TMC7: variants seen among roughly 807,000 people sequenced by gnomAD.
The protein encoded by TMC7 is transmembrane channel like 7.
A neutral mutation model predicts 82.9 loss-of-function variants in TMC7; 54 were observed. The ratio of observed to expected loss-of-function variants is 0.65; its 90% confidence interval spans 0.52 to 0.82. The LOEUF is 0.82. Ranked by LOEUF, TMC7 falls within the 40% of genes least tolerant of loss-of-function variation. The pLI is 0.00. For synonymous variants in TMC7, 350 were observed against 337.9 expected, an observed-to-expected ratio of 1.04 and a Z score of -0.39; for missense variants, 820 against 901.2, an observed-to-expected ratio of 0.91 and a Z score of 1.15.
Position 19,044,952 on chromosome 16 carries a change from GTGA to G in TMC7, c.1413_1415del (p.Asp472del), listed in dbSNP as rs778872183. The G allele has an allele frequency of 3.1e-6, 5 of 1,613,966 alleles. No individual in the cohort carries two copies. The South Asian group carries it at 5.5e-5, about 18-fold the overall frequency. ...ACGCTGGGCTCCAAGATCACATCCT[GTGA>G]TGATGACACATGTGACCTTTGCGGC... On this transcript the variant is annotated inframe_deletion, in exon 10 of 16. Coordinates refer to ENST00000304381, the MANE Select transcript of TMC7 (RefSeq NM_024847.4).
intron 7 of TMC7, 65 bp from the exon 8 acceptor site, chr16:19,037,809 T>C: frequency 6.7e-7 from 1 of 1,491,882 alleles, no homozygotes; most frequent in Non-Finnish European, 9.1e-7. Flanking sequence ...GAATGATGAA[T>C]CAATTTCTAT....
intron 1 of TMC7, among the ~76,000 whole-genome samples, chr16:19,006,962 G>A (rs2039250733): frequency 1.3e-5 from 2 of 151,890 alleles, no homozygotes; most frequent in South Asian, 2.1e-4. Flanking sequence ...GATTATAGGC[G>A]CGTGCCACCA....
chr16:19,028,891 T>C (rs959252761), intron 5 of TMC7, among the ~76,000 whole-genome samples: 19 of 151,906 alleles, frequency 1.3e-4, no homozygotes, highest in Admixed American at 5.9e-4. Context: ...CCTGACCTCA[T>C]GATCCACCCG....
At chr16:18,992,504 G>C (rs1393596979) in intron 1 of TMC7, among the ~76,000 whole-genome samples, 1 of 152,080 alleles carries the variant, frequency 6.6e-6, no homozygotes, top group Non-Finnish European at 1.5e-5. Flanking sequence ...TTAGCCTTTT[G>C]TCAGATAAGT....
chr16:19,058,250 C>T (rs1389328031), intron 14 of TMC7, among the ~76,000 whole-genome samples: 1 of 151,960 alleles, frequency 6.6e-6, no homozygotes, highest in East Asian at 1.9e-4. Context: ...TAAAATTAGT[C>T]AGGCATGTAA....
intron 10 of TMC7, 168 bp from the exon 11 acceptor site, chr16:19,045,173 G>A (rs1961211976): frequency 1.2e-6 from 1 of 825,730 alleles, no homozygotes; most frequent in Admixed American, 2.0e-5. Flanking sequence ...CACTTCTGAG[G>A]GCTTGGAAAC....
intron 5 of TMC7, among the ~76,000 whole-genome samples, chr16:19,028,355 C>T (rs973768952): frequency 2.0e-5 from 3 of 150,554 alleles, no homozygotes; most frequent in South Asian, 2.1e-4. Flanking sequence ...GGCAACATGG[C>T]GAGACCATAT....
rs2039291141 is a variant in TMC7, at chr16:19,009,115, C to T, written c.68-57C>T. ...GTGATGATGTCCAAGATCCAAGTTTCCTGCTTGGCTTCCGAACTCACTGGA... is the reference window on the plus strand; with the variant it reads ...GTGATGATGTCCAAGATCCAAGTTTTCTGCTTGGCTTCCGAACTCACTGGA... On this transcript the variant is annotated intron_variant, in intron 1 of 15. Coordinates refer to ENST00000304381, the MANE Select transcript of TMC7 (RefSeq NM_024847.4). The T allele has an allele frequency of 4.5e-6, 7 of 1,570,580 alleles. No homozygotes were observed. The South Asian group carries it at 8.2e-5, about 18-fold the overall frequency.
chr16:19,045,933 G>A (rs1961256621), intron 11 of TMC7, among the ~76,000 whole-genome samples: 1 of 151,810 alleles, frequency 6.6e-6, no homozygotes, highest in Non-Finnish European at 1.5e-5. Flanking sequence ...CTCTTGCTAT[G>A]TTGCCCAGGC....
In TMC7 at chr16:19,062,095, C is replaced by A. The variant is rs951239995; in HGVS notation, c.*252C>A. The A allele has an allele frequency of 2.5e-6, 1 of 406,264 alleles. No homozygotes were observed. Among genetic ancestry groups the A allele is most frequent in the Non-Finnish European group, 4.4e-6 (1 of 229,222 alleles). The allele number at this position is 406,264 out of a possible 1,614,324, so 25.2% of individuals were successfully genotyped here. A position where few individuals can be genotyped will look rare whatever the true frequency, so the allele number is the denominator to read the frequency against. On this transcript the variant is annotated 3_prime_UTR_variant, in exon 16 of 16. Transcript: ENST00000304381. ...CACTCTGTGACAACTCTACCAAAAA[C>A]CAACAAGCCATTCAAGCTTTTACAA...
intron 7 of TMC7, 89 bp from the exon 8 acceptor site, chr16:19,037,785 G>A (rs2142259377): frequency 1.4e-6 from 2 of 1,401,346 alleles, no homozygotes; most frequent in East Asian, 4.8e-5. Context: ...AACTCTTAAA[G>A]ATGGATGGGG....
chr16:19,050,058 A>G (rs1038733960), intron 12 of TMC7, among the ~76,000 whole-genome samples: 2 of 152,092 alleles, frequency 1.3e-5, no homozygotes, highest in East Asian at 3.9e-4. Flanking sequence ...TTAAATCCCT[A>G]TAAGGAATAC....
intron 9 of TMC7, among the ~76,000 whole-genome samples, chr16:19,042,197 A>AT (rs934257476): frequency 7.3e-5 from 11 of 151,274 alleles, no homozygotes; most frequent in Non-Finnish European, 1.0e-4. Flanking sequence ...TTATTTATTT[A>AT]TTTTTTTTGA....
intron 12 of TMC7, among the ~76,000 whole-genome samples, chr16:19,047,705 C>G (rs1961345735): frequency 1.0e-5 from 1 of 97,264 alleles, no homozygotes; most frequent in Non-Finnish European, 1.9e-5. Context: ...GAAAAAGACT[C>G]TTGATGGATT....
intron 6 of TMC7, among the ~76,000 whole-genome samples, chr16:19,030,889 A>G (rs980912121): frequency 3.9e-5 from 6 of 152,064 alleles, no homozygotes; most frequent in African/African-American, 9.6e-5. Context: ...TCTCCACTCA[A>G]TCATTACTGA....
chr16:18,988,764 A>G (rs946038811), intron 1 of TMC7, among the ~76,000 whole-genome samples: 8 of 152,168 alleles, frequency 5.3e-5, no homozygotes, highest in Non-Finnish European at 8.8e-5. Flanking sequence ...GAATTTATGT[A>G]GTTGGCCGGG....
At chr16:18,999,271 A>T (rs1242220089) in intron 1 of TMC7, among the ~76,000 whole-genome samples, 1 of 152,104 alleles carries the variant, frequency 6.6e-6, no homozygotes, top group African/African-American at 2.4e-5. Flanking sequence ...AAGTGTTGGG[A>T]TTATAGGCAT....
chr16:19,039,333 C>T (rs1482315236), intron 8 of TMC7, among the ~76,000 whole-genome samples: 1 of 152,104 alleles, frequency 6.6e-6, no homozygotes, highest in African/African-American at 2.4e-5. Context: ...TCAAGTGATC[C>T]ACCTGTCTCA....
intron 14 of TMC7, among the ~76,000 whole-genome samples, chr16:19,056,996 G>T (rs982228044): frequency 6.6e-6 from 1 of 152,042 alleles, no homozygotes; most frequent in Non-Finnish European, 1.5e-5. Context: ...AAAATTAGCT[G>T]GGCATGGTGG....
Sources: allele counts gnomAD v4.1 joint callset (sites outside exome capture counted in the v4.1 genomes callset), GRCh38; gene constraint gnomAD v4.1.1; transcripts MANE v1.5; gene names NCBI Gene and HGNC (gene_info 2026-07-23, HGNC 2026-07-21).